The following DOCK7 variants were observed in gnomAD, a reference collection of about 807,000 sequenced individuals.
DOCK7 encodes dedicator of cytokinesis 7, also known as dedicator of cytokinesis protein 7.
Under a neutral mutation model 271.0 loss-of-function variants are expected in DOCK7, and 138 were observed. The observed-to-expected ratio is 0.51, with a 90% CI of 0.44 to 0.59. The LOEUF is 0.59. Ranked by LOEUF, DOCK7 falls within the 20% of genes least tolerant of loss-of-function variation. The probability of loss-of-function intolerance (pLI) is 0.00; values close to 1 mark genes in which losing one functional copy is unlikely to be tolerated. For synonymous variants in DOCK7, 823 were observed against 876.1 expected, an observed-to-expected ratio of 0.94 and a Z score of 1.07; for missense variants, 2,066 against 2,592.4, an observed-to-expected ratio of 0.80 and a Z score of 4.41.
At chr1:62,614,734 C>A (rs189198184) in intron 14 of DOCK7, among the ~76,000 whole-genome samples, 92 of 151,902 alleles carry the variant, frequency 6.1e-4, no homozygotes, top group African/African-American at 2.0e-3. Flanking sequence ...TTTTATTATA[C>A]CCATGTTAAA....
chr1:62,644,952 T>C (rs536863354), intron 7 of DOCK7, among the ~76,000 whole-genome samples: 1 of 152,198 alleles, frequency 6.6e-6, no homozygotes, highest in Non-Finnish European at 1.5e-5. Flanking sequence ...AGAAATAAAC[T>C]TGTAACTTTT....
At chr1:62,463,883 T>C (rs2149236692) in intron 48 of DOCK7, among the ~76,000 whole-genome samples, 1 of 152,270 alleles carries the variant, frequency 6.6e-6, no homozygotes, top group South Asian at 2.1e-4. Flanking sequence ...TGGTCATGCT[T>C]GGTTTCTTAG....
chr1:62,495,979 C>T (rs943761496), intron 38 of DOCK7: 9 of 353,244 alleles, frequency 2.5e-5, no homozygotes, highest in Admixed American at 4.8e-5. Flanking sequence ...AAGGAAAATT[C>T]TCTCCTATAT....
At chr1:62,578,385 C>T (rs1647001849) in intron 17 of DOCK7, among the ~76,000 whole-genome samples, 1 of 151,978 alleles carries the variant, frequency 6.6e-6, no homozygotes, top group African/African-American at 2.4e-5. Context: ...CTAATCAATG[C>T]AACTTCATAA....
chr1:62,502,501 T>A (rs931702770), intron 37 of DOCK7, among the ~76,000 whole-genome samples: 3 of 152,182 alleles, frequency 2.0e-5, no homozygotes, highest in Non-Finnish European at 4.4e-5. Context: ...GAATGCCATG[T>A]TGTTGGGTAG....
At chr1:62,685,061 T>C (rs1419724061) in intron 1 of DOCK7, among the ~76,000 whole-genome samples, 1 of 152,204 alleles carries the variant, frequency 6.6e-6, no homozygotes, top group East Asian at 1.9e-4. Flanking sequence ...GGATTATCAT[T>C]TCCAACAAAA....
At chr1:62,590,275 T>C (rs1648240871) in intron 14 of DOCK7, among the ~76,000 whole-genome samples, 1 of 152,110 alleles carries the variant, frequency 6.6e-6, no homozygotes. Flanking sequence ...ATGCAATAAT[T>C]GGAGACAGAC....
intron 43 of DOCK7, chr1:62,483,209 T>TTTGTTG (rs1557606756): frequency 1.3e-5 from 1 of 74,400 alleles, no homozygotes; most frequent in Non-Finnish European, 2.8e-5. Flanking sequence ...TTTTTTTTTT[T>TTTGTTG]TTGGGTAGAG....
At chr1:62,599,805 GT>G (rs1649837255) in intron 14 of DOCK7, among the ~76,000 whole-genome samples, 1 of 151,920 alleles carries the variant, frequency 6.6e-6, no homozygotes, top group East Asian at 1.9e-4. Flanking sequence ...AATCTACAAT[GT>G]AAACATCTGG....
intron 44 of DOCK7, among the ~76,000 whole-genome samples, chr1:62,476,531 A>G (rs1324482045): frequency 6.6e-6 from 1 of 152,194 alleles, no homozygotes; most frequent in Non-Finnish European, 1.5e-5. Context: ...TACTGAGTTT[A>G]TTGTGGCTTG....
chr1:62,663,955 T>G (rs1658973834), intron 1 of DOCK7, among the ~76,000 whole-genome samples: 1 of 152,194 alleles, frequency 6.6e-6, no homozygotes, highest in Non-Finnish European at 1.5e-5. Flanking sequence ...CTTCAATGGG[T>G]AACTGGATAA....
intron 14 of DOCK7, among the ~76,000 whole-genome samples, chr1:62,591,312 C>A (rs903342366): frequency 2.0e-5 from 3 of 151,966 alleles, no homozygotes; most frequent in Admixed American, 2.0e-4. Flanking sequence ...AACTTATGAA[C>A]ACAAAGAAGG....
chr1:62,578,766 A>G, intron 17 of DOCK7, 62 bp downstream of exon 17: 1 of 1,208,694 alleles, frequency 8.3e-7, no homozygotes, highest in Non-Finnish European at 1.1e-6. Flanking sequence ...AATATCAATT[A>G]TATCTTAAAT....
At chr1:62,518,573 C>CAAAA (rs1228634392) in intron 31 of DOCK7, among the ~76,000 whole-genome samples, 1 of 98,154 alleles carries the variant, frequency 1.0e-5, no homozygotes. Context: ...GACTCCATCT[C>CAAAA]AAAAAAAAAA....
chr1:62,495,463 A>C (rs934569427), intron 39 of DOCK7, 118 bp downstream of exon 39: 1 of 641,630 alleles, frequency 1.6e-6, no homozygotes, highest in Non-Finnish European at 2.4e-6. Flanking sequence ...AACAATAAAG[A>C]ATGTAAATAA....
At chr1:62,542,471 T>G (rs1019541032) in intron 25 of DOCK7, 137 bp downstream of exon 25, 1 of 708,562 alleles carries the variant, frequency 1.4e-6, no homozygotes, top group Non-Finnish European at 2.3e-6. Flanking sequence ...ATGTAACACA[T>G]GTAATTTTGT....
intron 4 of DOCK7, among the ~76,000 whole-genome samples, chr1:62,653,359 T>C (rs1657609150): frequency 6.6e-6 from 1 of 152,208 alleles, no homozygotes; most frequent in South Asian, 2.1e-4. Flanking sequence ...TGCCTGTTAA[T>C]TTTAACTTAG....
chr1:62,462,914 C>CTTTT (rs34400688), intron 48 of DOCK7, among the ~76,000 whole-genome samples: 76 of 79,344 alleles, frequency 9.6e-4, no homozygotes, highest in South Asian at 1.8e-3. Context: ...GTAGAAAAAG[C>CTTTT]TTTTTTTTTT....
chr1:62,519,004 T>TACACAC (rs1038125495), intron 31 of DOCK7, among the ~76,000 whole-genome samples: 1 of 30,016 alleles, frequency 3.3e-5, no homozygotes, highest in African/African-American at 1.1e-4. Flanking sequence ...AAAGTCATGC[T>TACACAC]ATACACACAC....
Sources: allele counts gnomAD v4.1 joint callset (sites outside exome capture counted in the v4.1 genomes callset), GRCh38; gene constraint gnomAD v4.1.1; transcripts MANE v1.5; gene names NCBI Gene and HGNC (gene_info 2026-07-23, HGNC 2026-07-21).